Variants in OLA1 observed in about 807,000 individuals in gnomAD.
OLA1 encodes Obg like ATPase 1, also known as obg-like ATPase 1.
A neutral mutation model predicts 48.4 loss-of-function variants in OLA1; 14 were observed. That is an observed-to-expected ratio of 0.29 (90% CI 0.19 to 0.45). The LOEUF (loss-of-function observed/expected upper bound fraction) is 0.45, where lower values mean the gene tolerates loss of function less well. Among genes scored for constraint, OLA1 ranks in the 20% least tolerant of loss-of-function variants. The pLI, the probability that OLA1 is intolerant of heterozygous loss-of-function variation, is 1.00. For synonymous variants in OLA1, 127 were observed against 150.4 expected (o/e 0.84, Z 1.14); for missense variants, 325 against 467.1 (o/e 0.70, Z 2.80).
chr2:174,210,857 T>G (rs1210082601), intron 4 of OLA1, among the ~76,000 whole-genome samples: 1 of 152,206 alleles, frequency 6.6e-6, no homozygotes, highest in African/African-American at 2.4e-5. Flanking sequence ...AAGGCTGTGC[T>G]TCTTCCTCTA....
intron 4 of OLA1, among the ~76,000 whole-genome samples, chr2:174,207,269 C>T (rs1237543266): frequency 6.6e-6 from 1 of 152,114 alleles, no homozygotes; most frequent in African/African-American, 2.4e-5. Context: ...CCACCTTCAC[C>T]TCTTTTTAAC....
At chr2:174,213,668 T>C (rs1170354729) in intron 4 of OLA1, among the ~76,000 whole-genome samples, 2 of 152,192 alleles carry the variant, frequency 1.3e-5, no homozygotes, top group African/African-American at 4.8e-5. Context: ...TGCTTTCAGA[T>C]AAGTTACTGT....
chr2:174,227,680 G>A (rs1395678020), intron 3 of OLA1, among the ~76,000 whole-genome samples: 1 of 152,164 alleles, frequency 6.6e-6, no homozygotes, highest in Non-Finnish European at 1.5e-5. Flanking sequence ...TCAAATCAAT[G>A]TTTGTGACAG....
At chr2:174,145,429 A>G (rs1239528301) in intron 4 of OLA1, among the ~76,000 whole-genome samples, 1 of 152,074 alleles carries the variant, frequency 6.6e-6, no homozygotes, top group Non-Finnish European at 1.5e-5. Flanking sequence ...CTAAAATAGC[A>G]TTTAGTTTTA....
At chr2:174,182,394 C>T (rs561721142) in intron 4 of OLA1, among the ~76,000 whole-genome samples, 39 of 152,092 alleles carry the variant, frequency 2.6e-4, no homozygotes, top group South Asian at 1.9e-3. Context: ...GGCGTGGTGG[C>T]ACATGCCTGT....
rs758159488 is a variant in OLA1 at position 174,141,947 on chromosome 2, G to A, written c.427C>T (p.Arg143Ter). The A allele has an allele frequency of 3.8e-6, 6 of 1,559,498 alleles. No individual in the cohort carries two copies. Among genetic ancestry groups the A allele is most frequent in the Non-Finnish European group, 5.2e-6 (6 of 1,154,622 alleles). The part of the protein sequence containing the change: ...THVEGSVDPI[R>*]DIEIIHEELQ... ...TCTTCATGTATTATTTCTATATCTCGAATAGGATCTACACTTCCTTCAACG... is the reference window on the plus strand; with the variant it reads ...TCTTCATGTATTATTTCTATATCTCAAATAGGATCTACACTTCCTTCAACG... Residue 143 changes from arginine to a stop codon, truncating the protein, a stop_gained, in exon 5 of 11, where the codon CGA (arginine) becomes TGA (stop). Coordinates refer to ENST00000284719, the MANE Select transcript of OLA1 (RefSeq NM_013341.5). LOFTEE classifies it high-confidence loss of function.
chr2:174,205,107 T>C (rs192011498), intron 4 of OLA1, among the ~76,000 whole-genome samples: 113 of 152,348 alleles, frequency 7.4e-4, no homozygotes, highest in African/African-American at 2.6e-3. Context: ...AACTTCCTTA[T>C]TGGTATATCT....
chr2:174,190,542 A>G (rs1687750368), intron 4 of OLA1, among the ~76,000 whole-genome samples: 1 of 151,734 alleles, frequency 6.6e-6, no homozygotes, highest in African/African-American at 2.4e-5. Context: ...CTATATTTAT[A>G]TATTTTATAG....
intron 1 of OLA1, chr2:174,247,982 A>G: frequency 3.5e-6 from 2 of 569,776 alleles, no homozygotes; most frequent in Non-Finnish European, 6.0e-6. Context: ...ACCTCCTAGG[A>G]CCACGCTGGG....
chr2:174,075,935 A>T (rs1320740746), intron 10 of OLA1, among the ~76,000 whole-genome samples: 3 of 152,234 alleles, frequency 2.0e-5, no homozygotes. Flanking sequence ...TTATTTGCTT[A>T]AAGAAATCCT....
At chr2:174,098,147 T>C (rs1023133069) in intron 7 of OLA1, among the ~76,000 whole-genome samples, 3 of 152,186 alleles carry the variant, frequency 2.0e-5, no homozygotes, top group East Asian at 1.9e-4. Flanking sequence ...TAGTTACAAA[T>C]AGGCACGTGA....
At chr2:174,199,694 C>T (rs1399850473) in intron 4 of OLA1, among the ~76,000 whole-genome samples, 1 of 151,972 alleles carries the variant, frequency 6.6e-6, no homozygotes, top group African/African-American at 2.4e-5. Context: ...AAGAGTCACT[C>T]AAAGTACAAG....
intron 7 of OLA1, among the ~76,000 whole-genome samples, chr2:174,092,535 G>A (rs565967848): frequency 1.3e-5 from 2 of 152,116 alleles, no homozygotes; most frequent in South Asian, 2.1e-4. Context: ...GGTGGCATGT[G>A]CCTGTAGTCC....
chr2:174,149,460 T>A (rs561125062), intron 4 of OLA1, among the ~76,000 whole-genome samples: 1 of 152,212 alleles, frequency 6.6e-6, no homozygotes, highest in Non-Finnish European at 1.5e-5. Context: ...GGCTCCAATA[T>A]ACTCTGAGGC....
chr2:174,193,756 G>A (rs772422841), intron 4 of OLA1, among the ~76,000 whole-genome samples: 2 of 152,034 alleles, frequency 1.3e-5, no homozygotes, highest in African/African-American at 4.8e-5. Flanking sequence ...ACCAGGAATC[G>A]CTGTCTATTC....
intron 4 of OLA1, among the ~76,000 whole-genome samples, chr2:174,147,225 G>A (rs542754248): frequency 5.9e-5 from 9 of 152,046 alleles, no homozygotes; most frequent in Admixed American, 2.0e-4. Flanking sequence ...TCAGGAGTTC[G>A]AGACCAGCCT....
chr2:174,141,714 G>T, intron 5 of OLA1, 111 bp downstream of exon 5: 1 of 861,192 alleles, frequency 1.2e-6, no homozygotes, highest in Non-Finnish European at 1.7e-6. Flanking sequence ...AATAACCCTT[G>T]GCTTCTAAAA....
chr2:174,243,016 GT>G (rs908367236), intron 2 of OLA1, among the ~76,000 whole-genome samples: 321 of 148,598 alleles, frequency 2.2e-3, no homozygotes, highest in African/African-American at 7.6e-3. Context: ...TGTTTTTGTT[GT>G]TTTTTTTTTC....
intron 4 of OLA1, among the ~76,000 whole-genome samples, chr2:174,195,429 C>G (rs1348440684): frequency 2.6e-5 from 4 of 152,160 alleles, no homozygotes; most frequent in African/African-American, 9.7e-5. Flanking sequence ...AACAACATAA[C>G]TCATGCTGTC....
Sources: gnomAD v4.1 joint callset for allele counts (sites outside exome capture counted in the v4.1 genomes callset) on GRCh38, gnomAD v4.1.1 for gene constraint, MANE v1.5 for transcripts, NCBI Gene and HGNC (gene_info 2026-07-23, HGNC 2026-07-21) for gene names.